PRR14L: variants seen among roughly 807,000 people sequenced by gnomAD.
PRR14L encodes the protein protein PRR14L.
In PRR14L, 80 loss-of-function variants were observed where a neutral mutation model predicts 155.0. The ratio of observed to expected loss-of-function variants is 0.52; its 90% CI spans 0.43 to 0.62. The LOEUF is 0.62. PRR14L is among the 20% of genes least tolerant of loss of function. The pLI is 0.00. For missense variants in PRR14L, 2,469 were observed against 2,548.0 expected (o/e 0.97, Z 0.67); for synonymous variants, 883 against 916.0 (o/e 0.96, Z 0.65).
chr22:31,717,330 T>TA (rs763688796), intron 3 of PRR14L, 39 bp from the exon 4 acceptor site: 7 of 1,450,468 alleles, frequency 4.8e-6, no homozygotes, highest in East Asian at 2.5e-5. Flanking sequence ...TATGCAGTAA[T>TA]AAAAAATCAC....
intron 7 of PRR14L, among the ~76,000 whole-genome samples, chr22:31,689,334 TAAAG>T (rs2147851680): frequency 6.6e-6 from 1 of 152,042 alleles, no homozygotes; most frequent in African/African-American, 2.4e-5. Flanking sequence ...AATTAAAAAA[TAAAG>T]AAAAAACTGG....
rs2074648108 is a variant in PRR14L, at chr22:31,715,029, C to G, written c.2810G>C (p.Gly937Ala). 13 of 1,551,892 alleles carry G rather than the reference C, an allele frequency of 8.4e-6. No homozygotes were observed. Among genetic ancestry groups the G allele is most frequent in the Non-Finnish European group, 1.1e-5 (13 of 1,146,984 alleles). The change falls in exon 4 of 9, where the codon GGT becomes GCT. Residue 937 changes from glycine to alanine, a missense_variant. Physicochemically the swap from Gly to Ala is moderately conservative, Grantham distance 60. This residue lies in a region of PRR14L where 2,363 missense variants were observed against 2,371.6 expected (regional missense o/e 1.00). Coordinates refer to ENST00000327423, the MANE Select transcript of PRR14L (RefSeq NM_173566.3). ...AGACTGGTCCAACACTTTTTCAGGACCTGGAATGTTTACAGTCTGGTTTAG... is the reference window on the plus strand; with the variant it reads ...AGACTGGTCCAACACTTTTTCAGGAGCTGGAATGTTTACAGTCTGGTTTAG... ...QELNQTVNIP[G>A]PEKVLDQSPT...
In PRR14L at chr22:31,715,660, A is replaced by G; in HGVS notation, c.2179T>C (p.Ser727Pro). The G allele has an allele frequency of 6.4e-7, 1 of 1,552,202 alleles. No individual in the cohort carries two copies. The highest frequency in any genetic ancestry group is 8.7e-7 in the Non-Finnish European group (1 of 1,147,046). Reference protein sequence around the residue: ...SPPGNQTCGASSNCPTLNIKP... With the variant: ...SPPGNQTCGAPSNCPTLNIKP... Reference sequence around the variant, plus strand: ...ATGTTTAAGGTGGGACAGTTTGAAGAGGCACCACAGGTTTGGTTACCTGGT... The same window carrying G: ...ATGTTTAAGGTGGGACAGTTTGAAGGGGCACCACAGGTTTGGTTACCTGGT... Residue 727 changes from serine to proline, a missense_variant, in exon 4 of 9, where the codon TCT becomes CCT. Ser to Pro is a moderately conservative substitution (Grantham distance 74). Coordinates refer to ENST00000327423, the MANE Select transcript of PRR14L (RefSeq NM_173566.3).
At chr22:31,722,470 A>AT (rs1472308386) in intron 3 of PRR14L, among the ~76,000 whole-genome samples, 1 of 150,604 alleles carries the variant, frequency 6.6e-6, no homozygotes, top group Non-Finnish European at 1.5e-5. Context: ...CAGAGTGAAG[A>AT]TTTTGGCAGC....
At chr22:31,742,675 T>C (rs1408903341) in intron 1 of PRR14L, among the ~76,000 whole-genome samples, 2 of 152,090 alleles carry the variant, frequency 1.3e-5, no homozygotes, top group Admixed American at 6.6e-5. Flanking sequence ...CCTAAAACTC[T>C]TCCTTTAAGC....
At chr22:31,748,589 TAG>T (rs1331807099) in intron 1 of PRR14L, among the ~76,000 whole-genome samples, 4 of 152,184 alleles carry the variant, frequency 2.6e-5, no homozygotes, top group Non-Finnish European at 5.9e-5. Context: ...CTCAAAGGTA[TAG>T]AGTCTTCATT....
chr22:31,729,916 G>A (rs1044232447), intron 2 of PRR14L, among the ~76,000 whole-genome samples: 3 of 152,064 alleles, frequency 2.0e-5, no homozygotes, highest in African/African-American at 7.2e-5. Flanking sequence ...GTTCACGCCT[G>A]TAATCCCAGC....
intron 7 of PRR14L, among the ~76,000 whole-genome samples, chr22:31,701,091 G>A (rs541591746): frequency 2.0e-5 from 3 of 151,812 alleles, no homozygotes; most frequent in South Asian, 2.1e-4. Flanking sequence ...AGGCTCAAGC[G>A]AATCTCCTGC....
At chr22:31,695,595 C>T (rs965501255) in intron 7 of PRR14L, among the ~76,000 whole-genome samples, 2 of 152,258 alleles carry the variant, frequency 1.3e-5, no homozygotes, top group Middle Eastern at 3.4e-3. Context: ...ATGGTCATTT[C>T]CTGTCACTCT....
chr22:31,716,551 C>T lies in PRR14L; in HGVS notation c.1288G>A (p.Gly430Ser). 2 of 1,546,192 alleles carry T rather than the reference C, an allele frequency of 1.3e-6. No homozygotes were observed. Among genetic ancestry groups the T allele is most frequent in the South Asian group, 1.2e-5 (1 of 82,546 alleles). ...PEKEISGRCS[G>S]EKEPVVSPKE... ...GGAGAAACAACAGGCTCTTTTTCAC[C>T]AGAACAACGACCACTAATCTCCTTT... Residue 430 changes from glycine to serine, a missense_variant, in exon 4 of 9, where the codon GGT (glycine) becomes AGT (serine). Coordinates refer to ENST00000327423, the MANE Select transcript of PRR14L (RefSeq NM_173566.3).
At chr22:31,701,635 T>C (rs1049783320) in intron 7 of PRR14L, 21 bp downstream of exon 7, 5 of 1,533,230 alleles carry the variant, frequency 3.3e-6, no homozygotes, top group Non-Finnish European at 4.5e-6. Context: ...GAACCTAGCT[T>C]GTAACAGAGA....
At chr22:31,746,824 T>C (rs1250796724) in intron 1 of PRR14L, among the ~76,000 whole-genome samples, 1 of 144,354 alleles carries the variant, frequency 6.9e-6, no homozygotes, top group Non-Finnish European at 1.5e-5. Flanking sequence ...TGAGACGGAG[T>C]CTCACTCTGT....
intron 1 of PRR14L, among the ~76,000 whole-genome samples, chr22:31,741,810 T>A (rs1455391523): frequency 6.6e-6 from 1 of 152,184 alleles, no homozygotes; most frequent in Non-Finnish European, 1.5e-5. Flanking sequence ...AGGCGGAGGT[T>A]GCAGTGAGCC....
rs149232375 is a variant in PRR14L at position 31,688,901 on chromosome 22, T to TACACACACACACAC, written c.6108-688_6108-675dup. Among the ~76,000 whole-genome samples the TACACACACACACAC allele has an allele frequency of 4.5e-3, 664 of 147,844 alleles. 4 individuals are homozygous for TACACACACACACAC. Among genetic ancestry groups the TACACACACACACAC allele is most frequent in the African/African-American group, 0.014 (545 of 40,168 alleles). On this transcript the variant is annotated intron_variant, in intron 7 of 8. Coordinates refer to ENST00000327423, the MANE Select transcript of PRR14L (RefSeq NM_173566.3). ...CCCTGTCTCTTAAAAAATATATACA[T>TACACACACACACAC]ACACACACACACACACACACACACA...
intron 5 of PRR14L, 187 bp downstream of exon 5, chr22:31,704,468 C>T: frequency 2.6e-5 from 11 of 429,398 alleles, no homozygotes; most frequent in Admixed American, 4.1e-5. Context: ...TTACACATTC[C>T]TAGTTGCTGC....
intron 1 of PRR14L, among the ~76,000 whole-genome samples, chr22:31,740,643 A>T (rs1166854262): frequency 6.6e-6 from 1 of 152,084 alleles, no homozygotes; most frequent in Admixed American, 6.6e-5. Flanking sequence ...TTATAGGCAC[A>T]AGTCACCATG....
chr22:31,716,856 T>C lies in PRR14L; in HGVS notation c.983A>G (p.Asp328Gly), dbSNP rs1485176724. 2.1e-5 allele frequency: 33 copies of C among 1,551,812 alleles called. No individual in the cohort carries two copies. ...CAAAGGGCTTGTGGCTGTGGGACTA[T>C]CATGTGTAGAACTGGGTTGTTCATT... is the stretch of plus-strand genomic sequence containing the variant. ...HHNEQPSSTH[D>G]SPTATSPLKE... Residue 328 changes from aspartate (D) to glycine (G), a missense_variant, in exon 4 of 9, where the codon GAT (aspartate) becomes GGT (glycine). Coordinates refer to ENST00000327423, the MANE Select transcript of PRR14L (RefSeq NM_173566.3).
At chr22:31,703,480 T>C (rs2074573352) in intron 6 of PRR14L, 70 bp downstream of exon 6, 2 of 1,434,382 alleles carry the variant, frequency 1.4e-6, no homozygotes, top group South Asian at 2.5e-5. Flanking sequence ...GTAGCTATAA[T>C]GCGATGTGAG....
At chr22:31,749,947 G>C (rs940032956) in intron 1 of PRR14L, 46 bp downstream of exon 1, 1 of 152,674 alleles carries the variant, frequency 6.5e-6, no homozygotes, top group Admixed American at 6.5e-5. Context: ...AGGGCGGAGT[G>C]GGGCGGGGCG....
Sources: gnomAD v4.1 joint callset for allele counts (sites outside exome capture counted in the v4.1 genomes callset) on GRCh38, gnomAD v4.1.1 for gene constraint, gnomAD v4.1.1 regional missense constraint, MANE v1.5 for transcripts, NCBI Gene and HGNC (gene_info 2026-07-23, HGNC 2026-07-21) for gene names.